The following SAMD5 variants were observed in gnomAD, a reference collection of about 807,000 sequenced individuals.
SAMD5 encodes sterile alpha motif domain containing 5.
SAMD5 carries 13 observed loss-of-function variants against 11.3 expected under a neutral mutation model. The ratio of observed to expected loss-of-function variants is 1.15; its 90% CI spans 0.75 to 1.83. The LOEUF (loss-of-function observed/expected upper bound fraction) is 1.83, where lower values mean the gene tolerates loss of function less well. SAMD5 is among the 40% of genes most tolerant of loss of function. The pLI, the probability that SAMD5 is intolerant of heterozygous loss-of-function variation, is 0.00. For missense variants in SAMD5, 255 were observed against 239.1 expected, an observed-to-expected ratio of 1.07 and a Z score of -0.44; for synonymous variants, 129 against 111.3, an observed-to-expected ratio of 1.16 and a Z score of -1.00.
At chr6:147,787,311 G>A in the SAMD5 span, among the ~76,000 whole-genome samples, 6 of 152,152 alleles carry the variant, frequency 3.9e-5, no homozygotes, top group Admixed American at 1.3e-4. Flanking sequence ...TAGCACAGAT[G>A]CAAAGTCCTC....
intron 1 of SAMD5, among the ~76,000 whole-genome samples, chr6:147,686,254 A>C (rs1025082431): frequency 6.6e-6 from 1 of 152,062 alleles, no homozygotes; most frequent in African/African-American, 2.4e-5. Context: ...TTTCTTCAGC[A>C]CTCTGTGGTA....
intron 1 of SAMD5, among the ~76,000 whole-genome samples, chr6:147,670,343 A>C (rs1481027894): frequency 6.6e-6 from 1 of 152,214 alleles, no homozygotes; most frequent in Non-Finnish European, 1.5e-5. Context: ...TGATTGAATG[A>C]GCATTAGCTT....
chr6:147,509,132 C>G lies in SAMD5; in HGVS notation c.204C>G (p.Asn68Lys), dbSNP rs1388022871. Residue 68 changes from asparagine to lysine, a missense_variant, in exon 1 of 2, where the codon AAC (asparagine) becomes AAG (lysine). Physicochemically the swap from Asn to Lys is moderately conservative, Grantham distance 94 (BLOSUM62 0). Coordinates refer to ENST00000367474, the MANE Select transcript of SAMD5 (RefSeq NM_001030060.3). ...AVRRLREQDA[N>K]AAGLYFTLEP... is the part of the protein sequence containing the mutation. ...GCCGGCTGCGGGAGCAGGACGCCAA[C>G]GCCGCCGGCCTCTACTTCACGCTTG... 2 of 1,555,112 alleles carry G rather than the reference C, an allele frequency of 1.3e-6. No homozygotes were observed. Among genetic ancestry groups the G allele is most frequent in the Admixed American group, 3.9e-5 (2 of 51,454 alleles).
At chr6:147,891,012 G>C in the SAMD5 span, among the ~76,000 whole-genome samples, 1 of 152,158 alleles carries the variant, frequency 6.6e-6, no homozygotes, top group Non-Finnish European at 1.5e-5. Context: ...ATTGCATATG[G>C]ATATTTCTAA....
At chr6:147,748,761 T>C in the SAMD5 span, among the ~76,000 whole-genome samples, 1 of 152,212 alleles carries the variant, frequency 6.6e-6, no homozygotes, top group African/African-American at 2.4e-5. Flanking sequence ...ATTGCATTGA[T>C]GGACAGTAAT....
chr6:147,724,773 A>G (rs1170948691), intron 1 of SAMD5, among the ~76,000 whole-genome samples: 1 of 152,158 alleles, frequency 6.6e-6, no homozygotes, highest in African/African-American at 2.4e-5. Context: ...CAAAAGATGA[A>G]ACTACCAAGC....
At chr6:147,764,836 T>G in the SAMD5 span, among the ~76,000 whole-genome samples, 1 of 152,192 alleles carries the variant, frequency 6.6e-6, no homozygotes, top group Non-Finnish European at 1.5e-5. Flanking sequence ...TTTAATCATG[T>G]AACCATGTCC....
chr6:147,717,143 A>G (rs996472728), intron 1 of SAMD5, among the ~76,000 whole-genome samples: 39 of 152,304 alleles, frequency 2.6e-4, no homozygotes, highest in Admixed American at 2.4e-3. Context: ...ACTCACCTCT[A>G]TGTCCTCATA....
At chr6:147,665,398 T>C (rs1790703731) in intron 1 of SAMD5, among the ~76,000 whole-genome samples, 1 of 152,228 alleles carries the variant, frequency 6.6e-6, no homozygotes, top group African/African-American at 2.4e-5. Context: ...TTTTATTTCC[T>C]TCATTGAATA....
chr6:147,937,648 C>T, the SAMD5 span, among the ~76,000 whole-genome samples: 1 of 152,264 alleles, frequency 6.6e-6, no homozygotes, highest in East Asian at 1.9e-4. Context: ...AAACTACAGA[C>T]AACATGGCCT....
chr6:147,687,616 A>G (rs1210377013), intron 1 of SAMD5, among the ~76,000 whole-genome samples: 1 of 152,136 alleles, frequency 6.6e-6, no homozygotes, highest in Non-Finnish European at 1.5e-5. Context: ...TCTTTAATGC[A>G]GACTTCTGGT....
chr6:147,656,695 T>C (rs1332177913), intron 1 of SAMD5, among the ~76,000 whole-genome samples: 1 of 152,122 alleles, frequency 6.6e-6, no homozygotes, highest in Non-Finnish European at 1.5e-5. Flanking sequence ...TTGGCAAACT[T>C]AGAAGTTTGA....
At chr6:147,819,843 G>A in the SAMD5 span, among the ~76,000 whole-genome samples, 4 of 152,348 alleles carry the variant, frequency 2.6e-5, no homozygotes, top group Admixed American at 2.6e-4. Flanking sequence ...GAGAGGGCCT[G>A]AGAAACAGAG....
chr6:147,631,112 T>C (rs960472663), intron 1 of SAMD5, among the ~76,000 whole-genome samples: 1 of 151,596 alleles, frequency 6.6e-6, no homozygotes, highest in Admixed American at 6.6e-5. Flanking sequence ...GAACCTAGAG[T>C]GGGAGAGATT....
At chr6:147,882,991 T>C in the SAMD5 span, among the ~76,000 whole-genome samples, 1 of 152,248 alleles carries the variant, frequency 6.6e-6, no homozygotes, top group Non-Finnish European at 1.5e-5. Flanking sequence ...TGGTTCAGTG[T>C]CTTTGAGCAT....
chr6:147,711,851 T>G lies in SAMD5; in HGVS notation c.163-25466T>G, dbSNP rs1791405350. On this transcript the variant is annotated intron_variant, in intron 1 of 1. Coordinates refer to the SAMD5 transcript ENST00000566741. This position sits in a 1 kb window ranked among gnomAD's most constrained non-coding sequence, Gnocchi z 4.1. ...TAGTAACAGTGTCAAATGTCATGAA[T>G]GGCTAATTGCTTGCCAATCGAAAGC... Among the ~76,000 whole-genome samples, 1 of 152,222 alleles carries G rather than the reference T, an allele frequency of 6.6e-6. No individual in the cohort carries two copies.
At chr6:147,859,167 C>T in the SAMD5 span, among the ~76,000 whole-genome samples, 1 of 152,056 alleles carries the variant, frequency 6.6e-6, no homozygotes, top group Non-Finnish European at 1.5e-5. Context: ...GGTGTGCTTC[C>T]ATGTCCCCAA....
At chr6:147,860,685 C>G in the SAMD5 span, among the ~76,000 whole-genome samples, 1 of 152,144 alleles carries the variant, frequency 6.6e-6, no homozygotes, top group Non-Finnish European at 1.5e-5. Context: ...GGGCTAGATA[C>G]GAGAAGCTTG....
At chr6:147,681,716 G>A (rs907739041) in intron 1 of SAMD5, among the ~76,000 whole-genome samples, 2 of 152,138 alleles carry the variant, frequency 1.3e-5, no homozygotes, top group Non-Finnish European at 2.9e-5. Flanking sequence ...ACAGCTTGAA[G>A]ATTTCGGTTC....
Sources: gnomAD v4.1 joint callset for allele counts (sites outside exome capture counted in the v4.1 genomes callset) on GRCh38, gnomAD v4.1.1 for gene constraint, Gnocchi (gnomAD v3.1) non-coding constraint, MANE v1.5 for transcripts, NCBI Gene and HGNC (gene_info 2026-07-23, HGNC 2026-07-21) for gene names.